The following ACVR2A variants were observed in gnomAD, a reference collection of about 807,000 sequenced individuals.
The protein encoded by ACVR2A is activin receptor type-2A.
Under a neutral mutation model 61.4 loss-of-function variants are expected in ACVR2A, and 7 were observed. The observed-to-expected ratio is 0.11, with a 90% CI of 0.06 to 0.21. The LOEUF is 0.21. Ranked by LOEUF, ACVR2A falls within the 10% of genes least tolerant of loss-of-function variation. ACVR2A has a pLI of 1.00. For missense variants in ACVR2A, 322 were observed against 621.7 expected, an observed-to-expected ratio of 0.52 and a Z score of 5.13; for synonymous variants, 193 against 208.3, an observed-to-expected ratio of 0.93 and a Z score of 0.63.
At chr2:147,876,301 A>C (rs1686152861) in intron 1 of ACVR2A, among the ~76,000 whole-genome samples, 1 of 152,088 alleles carries the variant, frequency 6.6e-6, no homozygotes, top group African/African-American at 2.4e-5. Context: ...TTTATTGTAT[A>C]GTATAAATAC....
intron 1 of ACVR2A, among the ~76,000 whole-genome samples, chr2:147,871,966 T>G (rs1461738685): frequency 6.6e-6 from 1 of 152,118 alleles, no homozygotes; most frequent in Non-Finnish European, 1.5e-5. Context: ...GTTGAATGCC[T>G]ACCGTATTAC....
chr2:147,903,983 C>T (rs1019151834), intron 4 of ACVR2A, among the ~76,000 whole-genome samples: 2 of 151,930 alleles, frequency 1.3e-5, no homozygotes, highest in Non-Finnish European at 2.9e-5. Context: ...AATAAACATT[C>T]AGGTGCTTTA....
intron 9 of ACVR2A, 174 bp from the exon 10 acceptor site, chr2:147,925,857 T>G: frequency 3.6e-6 from 2 of 549,212 alleles, no homozygotes; most frequent in Non-Finnish European, 3.1e-6. Context: ...TTCCCATACA[T>G]TAGTTTGGTC....
chr2:147,858,439 C>T (rs866963709), intron 1 of ACVR2A, among the ~76,000 whole-genome samples: 33 of 152,138 alleles, frequency 2.2e-4, no homozygotes, highest in Non-Finnish European at 1.9e-4. Context: ...CTTACAGTGA[C>T]CTTAAAGGCT....
rs1687547894 is a variant in ACVR2A at position 147,928,063 on chromosome 2, A to G, written c.*789A>G. ...TGCTGGCTTGTAATGTAGGGAAAAA[A>G]AGTGCTGTTTTTTGAAAAGATGGTG... On this transcript the variant is annotated 3_prime_UTR_variant, in exon 11 of 11. Coordinates refer to ENST00000241416, the MANE Select transcript of ACVR2A (RefSeq NM_001616.5). 6.6e-6 allele frequency: 1 copy of G among 152,228 alleles called. No homozygotes were observed. The highest frequency in any genetic ancestry group is 6.6e-5 in the Admixed American group (1 of 15,172). 9.4% of individuals were successfully genotyped at this position (152,228 alleles called of 1,614,324 possible). A position where few individuals can be genotyped will look rare whatever the true frequency, so the allele number is the denominator to read the frequency against.
At chr2:147,887,496 C>T (rs547195826) in intron 1 of ACVR2A, among the ~76,000 whole-genome samples, 11 of 152,136 alleles carry the variant, frequency 7.2e-5, no homozygotes, top group Non-Finnish European at 1.3e-4. Flanking sequence ...CTATCACCAC[C>T]TTCTATCTTC....
intron 1 of ACVR2A, among the ~76,000 whole-genome samples, chr2:147,857,366 A>G (rs929623496): frequency 6.6e-6 from 1 of 152,042 alleles, no homozygotes; most frequent in African/African-American, 2.4e-5. Context: ...CTGTGATGGA[A>G]GGAAATCAGC....
intron 1 of ACVR2A, among the ~76,000 whole-genome samples, chr2:147,887,979 CTT>C (rs753143791): frequency 3.2e-4 from 48 of 152,168 alleles, no homozygotes; most frequent in Non-Finnish European, 4.4e-4. Context: ...AAGAGCTGGG[CTT>C]TCTGGAACTA....
intron 1 of ACVR2A, among the ~76,000 whole-genome samples, chr2:147,867,169 A>G (rs1685877658): frequency 6.6e-6 from 1 of 152,190 alleles, no homozygotes; most frequent in African/African-American, 2.4e-5. Flanking sequence ...CATTTTGGTA[A>G]AGTGGTGGAG....
At chr2:147,915,679 C>CA (rs1049612729) in intron 5 of ACVR2A, among the ~76,000 whole-genome samples, 11 of 151,440 alleles carry the variant, frequency 7.3e-5, no homozygotes, top group Non-Finnish European at 1.2e-4. Context: ...AGAAAGCAAA[C>CA]AAAAAAACAA....
intron 4 of ACVR2A, among the ~76,000 whole-genome samples, chr2:147,911,963 A>C (rs1573703219): frequency 6.6e-6 from 1 of 152,078 alleles, no homozygotes; most frequent in Non-Finnish European, 1.5e-5. Flanking sequence ...TTGTATTTAA[A>C]TGTGAAATAG....
intron 5 of ACVR2A, among the ~76,000 whole-genome samples, chr2:147,915,910 G>A (rs1240237688): frequency 6.6e-6 from 1 of 151,772 alleles, no homozygotes; most frequent in Non-Finnish European, 1.5e-5. Context: ...CTATTCTTGT[G>A]TTTTGTTTTG....
intron 1 of ACVR2A, among the ~76,000 whole-genome samples, chr2:147,850,952 A>G (rs367664920): frequency 6.6e-6 from 1 of 152,260 alleles, no homozygotes; most frequent in South Asian, 2.1e-4. Context: ...GATAGTGATC[A>G]AGAATGTGGT....
intron 1 of ACVR2A, among the ~76,000 whole-genome samples, chr2:147,856,842 TG>T (rs1685593101): frequency 6.6e-6 from 1 of 152,190 alleles, no homozygotes; most frequent in Non-Finnish European, 1.5e-5. Flanking sequence ...AAATCTTTCT[TG>T]GTAATCTTTA....
At position 147,875,962 on chromosome 2, in the gene ACVR2A, C is replaced by T. The variant is rs1686143329; in HGVS notation, c.56-20339C>T. ...TCAGGGATCTAGAAACATTACCATC[C>T]ATTACAGAAAACTGAAAGATTATGT... On this transcript the variant is annotated intron_variant, in intron 1 of 10. Coordinates refer to ENST00000241416, the MANE Select transcript of ACVR2A (RefSeq NM_001616.5). Among the ~76,000 whole-genome samples, 3 of 152,002 alleles carry T rather than the reference C, an allele frequency of 2.0e-5. No individual in the cohort carries two copies. In the South Asian group the frequency reaches 6.2e-4, roughly 32 times the overall value.
intron 1 of ACVR2A, 100 bp from the exon 2 acceptor site, chr2:147,896,201 A>C: frequency 9.6e-7 from 1 of 1,042,490 alleles, no homozygotes; most frequent in Non-Finnish European, 1.4e-6. Flanking sequence ...AAGACGGTGA[A>C]TTACTGACAC....
intron 1 of ACVR2A, among the ~76,000 whole-genome samples, chr2:147,874,782 C>A (rs1417766338): frequency 6.6e-6 from 1 of 151,828 alleles, no homozygotes; most frequent in South Asian, 2.1e-4. Context: ...AATAATAATA[C>A]CTATTCCTGT....
At chr2:147,921,745 T>G (rs1024402832) in intron 8 of ACVR2A, among the ~76,000 whole-genome samples, 4 of 152,130 alleles carry the variant, frequency 2.6e-5, no homozygotes, top group Non-Finnish European at 5.9e-5. Context: ...GGGAACATAT[T>G]CTTAATTTGG....
At chr2:147,926,981 G>C in intron 10 of ACVR2A, 99 bp from the exon 11 acceptor site, 5 of 1,157,758 alleles carry the variant, frequency 4.3e-6, no homozygotes, top group Non-Finnish European at 6.1e-6. Flanking sequence ...AAACTTCTTT[G>C]ACCCAGAAAA....
Sources: allele counts gnomAD v4.1 joint callset (sites outside exome capture counted in the v4.1 genomes callset), GRCh38; gene constraint gnomAD v4.1.1; transcripts MANE v1.5; gene names NCBI Gene and HGNC (gene_info 2026-07-23, HGNC 2026-07-21).